SUGCT: variants seen among roughly 807,000 people sequenced by gnomAD.
The protein encoded by SUGCT is succinyl-CoA:glutarate-CoA transferase.
SUGCT carries 41 observed loss-of-function variants against 55.0 expected under a neutral mutation model. The ratio of observed to expected loss-of-function variants is 0.74; its 90% CI spans 0.58 to 0.97. The LOEUF is 0.97. SUGCT is among the 50% of genes least tolerant of loss of function. The pLI, the probability that SUGCT is intolerant of heterozygous loss-of-function variation, is 0.00. For missense variants in SUGCT, 568 were observed against 547.8 expected (o/e 1.04, Z -0.37); for synonymous variants, 187 against 200.4 (o/e 0.93, Z 0.56).
At chr7:40,892,385 C>A in the SUGCT span, among the ~76,000 whole-genome samples, 1 of 151,988 alleles carries the variant, frequency 6.6e-6, no homozygotes, top group Admixed American at 6.6e-5. Flanking sequence ...AGACAGAAAT[C>A]AAATCATACT....
chr7:40,290,996 C>G (rs2151048812), intron 8 of SUGCT, among the ~76,000 whole-genome samples: 1 of 152,212 alleles, frequency 6.6e-6, no homozygotes, highest in East Asian at 1.9e-4. Flanking sequence ...CATTAAAAGT[C>G]AGGAAACAAC....
chr7:40,536,013 G>T (rs2151605750), intron 12 of SUGCT, among the ~76,000 whole-genome samples: 1 of 152,124 alleles, frequency 6.6e-6, no homozygotes, highest in Admixed American at 6.6e-5. Flanking sequence ...TTTTTGATGA[G>T]GTTATTTGTT....
intron 12 of SUGCT, among the ~76,000 whole-genome samples, chr7:40,717,418 C>T (rs563525764): frequency 1.1e-3 from 162 of 152,300 alleles, no homozygotes; most frequent in African/African-American, 3.8e-3. Context: ...AAGCTCCTCC[C>T]GTGCACAAGG....
chr7:40,156,142 C>T (rs1783884768), intron 1 of SUGCT, among the ~76,000 whole-genome samples: 1 of 152,138 alleles, frequency 6.6e-6, no homozygotes, highest in African/African-American at 2.4e-5. Context: ...CAGGTGTGAG[C>T]CACTGTGCCT....
chr7:40,379,078 G>A (rs1402837079), intron 9 of SUGCT, among the ~76,000 whole-genome samples: 3 of 152,138 alleles, frequency 2.0e-5, no homozygotes, highest in African/African-American at 7.2e-5. Context: ...ACAGAGGTAA[G>A]GAGAAGGCAT....
chr7:40,504,260 A>T (rs1792461696), intron 12 of SUGCT, among the ~76,000 whole-genome samples: 1 of 152,084 alleles, frequency 6.6e-6, no homozygotes. Flanking sequence ...CAAACAAACA[A>T]ACAAACAAAC....
chr7:40,739,123 C>T (rs1020073662), intron 12 of SUGCT, among the ~76,000 whole-genome samples: 4 of 152,094 alleles, frequency 2.6e-5, no homozygotes, highest in Admixed American at 1.3e-4. Flanking sequence ...TAACTTCTTG[C>T]AAAACTATAC....
intron 8 of SUGCT, among the ~76,000 whole-genome samples, chr7:40,305,103 A>G (rs1035392864): frequency 6.6e-6 from 1 of 152,106 alleles, no homozygotes; most frequent in Non-Finnish European, 1.5e-5. Context: ...TCAGTCCCTG[A>G]CATTGTTTCC....
chr7:40,295,238 A>G (rs1043340265), intron 8 of SUGCT, among the ~76,000 whole-genome samples: 10 of 152,188 alleles, frequency 6.6e-5, no homozygotes, highest in Admixed American at 6.6e-4. Flanking sequence ...AGTGATAACT[A>G]CTATGAAAAG....
intron 13 of SUGCT, among the ~76,000 whole-genome samples, chr7:40,763,900 A>G (rs76696531): frequency 0.014 from 2,058 of 151,918 alleles, 145 homozygotes; most frequent in East Asian, 0.093. Context: ...GGAAGGGGGG[A>G]ATGGGGCCAA....
At chr7:40,155,026 C>T (rs1328676209) in intron 1 of SUGCT, among the ~76,000 whole-genome samples, 3 of 152,176 alleles carry the variant, frequency 2.0e-5, no homozygotes, top group African/African-American at 7.2e-5. Flanking sequence ...GTGGCTCACG[C>T]CTGTAATCCC....
At chr7:40,187,679 T>G (rs1785605047) in intron 3 of SUGCT, among the ~76,000 whole-genome samples, 2 of 152,202 alleles carry the variant, frequency 1.3e-5, no homozygotes, top group Non-Finnish European at 2.9e-5. Flanking sequence ...GGGATCACTT[T>G]GGGAGGCCTA....
intron 12 of SUGCT, among the ~76,000 whole-genome samples, chr7:40,621,828 C>T (rs765729164): frequency 6.6e-5 from 10 of 152,294 alleles, no homozygotes; most frequent in Non-Finnish European, 1.3e-4. Flanking sequence ...TGAGTTTTTA[C>T]GATAGGCCAG....
chr7:40,963,291 C>A, the SUGCT span, among the ~76,000 whole-genome samples: 82 of 152,134 alleles, frequency 5.4e-4, no homozygotes, highest in African/African-American at 2.0e-3. Context: ...GCCCACTGAA[C>A]AAGAACATGT....
At chr7:40,193,212 C>T (rs1248208007) in intron 5 of SUGCT, among the ~76,000 whole-genome samples, 1 of 151,690 alleles carries the variant, frequency 6.6e-6, no homozygotes, top group Non-Finnish European at 1.5e-5. Context: ...AGTGATCTAT[C>T]CCCCCGACTC....
the SUGCT span, among the ~76,000 whole-genome samples, chr7:40,980,710 T>G: frequency 6.6e-6 from 1 of 152,162 alleles, no homozygotes; most frequent in Admixed American, 6.5e-5. Flanking sequence ...CCATTAAATT[T>G]TTTTTTTAGA....
chr7:40,368,843 C>T (rs1285589743), intron 9 of SUGCT, among the ~76,000 whole-genome samples: 1 of 152,074 alleles, frequency 6.6e-6, no homozygotes. Context: ...GTGGCTGACA[C>T]CTGTAATTCC....
intron 13 of SUGCT, among the ~76,000 whole-genome samples, chr7:40,754,941 A>C (rs548223323): frequency 6.6e-6 from 1 of 152,328 alleles, no homozygotes; most frequent in Non-Finnish European, 1.5e-5. Context: ...TTCATCAACA[A>C]TGCCAATGAT....
At chr7:40,780,638 G>C (rs1789689309) in intron 13 of SUGCT, among the ~76,000 whole-genome samples, 1 of 152,080 alleles carries the variant, frequency 6.6e-6, no homozygotes, top group Non-Finnish European at 1.5e-5. Flanking sequence ...ATTACTGATT[G>C]TGTAGAGTAA....
Sources: gnomAD v4.1 joint callset for allele counts (sites outside exome capture counted in the v4.1 genomes callset) on GRCh38, gnomAD v4.1.1 for gene constraint, MANE v1.5 for transcripts, NCBI Gene and HGNC (gene_info 2026-07-23, HGNC 2026-07-21) for gene names.